The following TRHDE variants were observed in gnomAD, a reference collection of about 807,000 sequenced individuals.
The protein encoded by TRHDE is thyrotropin releasing hormone degrading enzyme.
In TRHDE, 72 loss-of-function variants were observed where a neutral mutation model predicts 125.7. The observed-to-expected ratio is 0.57, with a 90% CI of 0.47 to 0.70. The LOEUF is 0.70. TRHDE is among the 30% of genes least tolerant of loss of function. TRHDE has a pLI of 0.00. For synonymous variants in TRHDE, 509 were observed against 509.1 expected (o/e 1.00, Z 0.00); for missense variants, 1,110 against 1,327.1 (o/e 0.84, Z 2.54).
chr12:72,397,149 G>A (rs942340619), intron 3 of TRHDE, among the ~76,000 whole-genome samples: 27 of 152,304 alleles, frequency 1.8e-4, no homozygotes, highest in African/African-American at 5.3e-4. Flanking sequence ...GCAAACCCAT[G>A]CATCAGGCTG....
At chr12:72,246,992 T>C (rs1373930942) in intron 2 of TRHDE, among the ~76,000 whole-genome samples, 1 of 152,192 alleles carries the variant, frequency 6.6e-6, no homozygotes, top group East Asian at 1.9e-4. Context: ...AAAATGTATA[T>C]ATTGCATGCT....
chr12:72,520,221 C>T (rs1365279292), intron 6 of TRHDE, among the ~76,000 whole-genome samples: 8 of 152,296 alleles, frequency 5.3e-5, no homozygotes, highest in South Asian at 2.1e-4. Flanking sequence ...TGGGCAATGG[C>T]GGGCGCCCCT....
chr12:72,381,099 C>G lies in TRHDE; in HGVS notation c.1315+2978C>G, dbSNP rs533739339. ...CTGGAGACATTTTTGTTTGTTACAA[C>G]TTGGGGGGTGAGTACACTGTGTGCT... On this transcript the variant is annotated intron_variant, in intron 3 of 18. Transcript: ENST00000261180. 2.6e-5 allele frequency among the ~76,000 whole-genome samples: 4 copies of G among 152,204 alleles called. No homozygotes were observed. The South Asian group carries it at 8.3e-4, about 32-fold the overall frequency.
rs539431623 is a variant in TRHDE, at chr12:72,223,171, TA to T, written n.279+117425del. 1.6e-3 allele frequency among the ~76,000 whole-genome samples: 251 copies of T among 152,176 alleles called. 2 individuals carry two copies. The highest frequency in any genetic ancestry group is 5.8e-3 in the African/African-American group (242 of 41,532). On this transcript the variant is annotated intron_variant and non_coding_transcript_variant, in intron 2 of 4. Transcript: ENST00000548156. ...TTCTTATAGTCTCCTTTTATGGCCTTAAAAAATTTCAGGTGTAATTAATCCA... is the reference window on the plus strand; with the variant it reads ...TTCTTATAGTCTCCTTTTATGGCCTTAAAAATTTCAGGTGTAATTAATCCA...
intron 3 of TRHDE, among the ~76,000 whole-genome samples, chr12:72,459,850 T>C (rs1412054842): frequency 6.6e-6 from 1 of 152,146 alleles, no homozygotes; most frequent in African/African-American, 2.4e-5. Context: ...ACTCCTGGGA[T>C]CAGGTGATCC....
chr12:72,308,840 CT>C (rs1381725885), intron 2 of TRHDE, among the ~76,000 whole-genome samples: 1 of 152,124 alleles, frequency 6.6e-6, no homozygotes, highest in Admixed American at 6.5e-5. Flanking sequence ...GTATTATTCC[CT>C]TTCTGACTTA....
At chr12:72,280,064 A>AGTGTGT (rs529263549) in intron 1 of TRHDE, among the ~76,000 whole-genome samples, 1 of 152,060 alleles carries the variant, frequency 6.6e-6, no homozygotes, top group Non-Finnish European at 1.5e-5. Flanking sequence ...TGGATGGAAA[A>AGTGTGT]GTGTGTGTGT....
chr12:72,527,367 A>C (rs1422547125), intron 6 of TRHDE, among the ~76,000 whole-genome samples: 1 of 152,164 alleles, frequency 6.6e-6, no homozygotes, highest in East Asian at 1.9e-4. Flanking sequence ...GATTTCTTAG[A>C]AATATGGGAT....
At chr12:72,348,455 T>A (rs1240190509) in intron 2 of TRHDE, among the ~76,000 whole-genome samples, 1 of 152,004 alleles carries the variant, frequency 6.6e-6, no homozygotes, top group Admixed American at 6.6e-5. Context: ...TTTGAGCAAC[T>A]CTCTAATTGA....
chr12:72,117,135 G>A (rs115972029), intron 2 of TRHDE, among the ~76,000 whole-genome samples: 1,869 of 151,896 alleles, frequency 0.012, 28 homozygotes, highest in African/African-American at 0.042. Context: ...GCCTGTGCTT[G>A]TAAAGAAGTC....
At chr12:72,412,800 CTA>C (rs1402589837) in intron 3 of TRHDE, among the ~76,000 whole-genome samples, 1 of 151,916 alleles carries the variant, frequency 6.6e-6, no homozygotes, top group Non-Finnish European at 1.5e-5. Flanking sequence ...ATTATACACA[CTA>C]TGTAATTTCA....
intron 6 of TRHDE, among the ~76,000 whole-genome samples, chr12:72,534,770 T>A (rs1592519295): frequency 6.6e-6 from 1 of 152,122 alleles, no homozygotes; most frequent in African/African-American, 2.4e-5. Flanking sequence ...TATACTATGG[T>A]ATGGGCTTTT....
chr12:72,311,024 G>A (rs918486718), intron 2 of TRHDE, among the ~76,000 whole-genome samples: 4 of 151,876 alleles, frequency 2.6e-5, no homozygotes, highest in Non-Finnish European at 5.9e-5. Flanking sequence ...TGGTGTATAC[G>A]TTATATACAA....
chr12:72,518,217 A>C (rs1280529925), intron 6 of TRHDE, among the ~76,000 whole-genome samples: 1 of 148,672 alleles, frequency 6.7e-6, no homozygotes, highest in Non-Finnish European at 1.5e-5. Flanking sequence ...TTTCTGTCTC[A>C]TTGATCTGTC....
intron 2 of TRHDE, among the ~76,000 whole-genome samples, chr12:72,348,083 GTATT>G (rs1870411413): frequency 6.6e-6 from 1 of 151,626 alleles, no homozygotes; most frequent in South Asian, 2.1e-4. Context: ...TATATATACA[GTATT>G]TATGGTATAC....
At chr12:72,365,891 C>G (rs1871320940) in intron 2 of TRHDE, among the ~76,000 whole-genome samples, 1 of 152,112 alleles carries the variant, frequency 6.6e-6, no homozygotes, top group Admixed American at 6.6e-5. Context: ...GAGGGCTGGT[C>G]CCTGTGGAGG....
intron 2 of TRHDE, among the ~76,000 whole-genome samples, chr12:72,173,602 T>C (rs115803600): frequency 1.1e-3 from 174 of 152,256 alleles, no homozygotes; most frequent in African/African-American, 4.0e-3. Context: ...TAATGCTGGG[T>C]GCAAATTAAA....
chr12:72,544,498 C>T (rs1869313476), intron 7 of TRHDE, among the ~76,000 whole-genome samples: 1 of 151,472 alleles, frequency 6.6e-6, no homozygotes, highest in African/African-American at 2.4e-5. Context: ...TTCCAAATTG[C>T]AGATAGTGTG....
chr12:72,621,625 C>A lies in TRHDE; in HGVS notation c.2568-19C>A. On this transcript the variant is annotated intron_variant, in intron 14 of 18. Transcript: ENST00000261180. ...CCCTAACTTTCTTTTTAATTTGTTT[C>A]CCTTTTGATGATATCTAGAGAACTA... 1 of 1,546,424 alleles carries A rather than the reference C, an allele frequency of 6.5e-7. No homozygotes were observed. Among genetic ancestry groups the A allele is most frequent in the Non-Finnish European group, 8.8e-7 (1 of 1,132,878 alleles).
Sources: gnomAD v4.1 joint callset for allele counts (sites outside exome capture counted in the v4.1 genomes callset) on GRCh38, gnomAD v4.1.1 for gene constraint, MANE v1.5 for transcripts, NCBI Gene and HGNC (gene_info 2026-07-23, HGNC 2026-07-21) for gene names.